The following CEP57L1 variants were observed in gnomAD, a reference collection of about 807,000 sequenced individuals.
CEP57L1 encodes the protein centrosomal protein CEP57L1.
CEP57L1 carries 37 observed loss-of-function variants against 61.0 expected under a neutral mutation model. The ratio of observed to expected loss-of-function variants is 0.61; its 90% CI spans 0.47 to 0.80. The LOEUF (loss-of-function observed/expected upper bound fraction) is 0.80. Ranked by LOEUF, CEP57L1 falls within the 30% of genes least tolerant of loss-of-function variation. The pLI, the probability that CEP57L1 is intolerant of heterozygous loss-of-function variation, is 0.00. For synonymous variants in CEP57L1, 137 were observed against 162.3 expected (o/e 0.84, Z 1.19); for missense variants, 422 against 524.7 (o/e 0.80, Z 1.91).
chr6:109,101,599 C>T (rs1782407122), intron 1 of CEP57L1, among the ~76,000 whole-genome samples: 1 of 151,510 alleles, frequency 6.6e-6, no homozygotes, highest in South Asian at 2.1e-4. Flanking sequence ...AAGAAACTCA[C>T]AGCTGTTTTT....
intron 1 of CEP57L1, among the ~76,000 whole-genome samples, chr6:109,114,813 T>C (rs1583420822): frequency 6.6e-6 from 1 of 152,274 alleles, no homozygotes; most frequent in East Asian, 1.9e-4. Flanking sequence ...GTGACTATAG[T>C]TATTATATTT....
intron 1 of CEP57L1, among the ~76,000 whole-genome samples, chr6:109,136,487 C>T (rs974068526): frequency 9.2e-5 from 14 of 151,638 alleles, no homozygotes; most frequent in African/African-American, 2.9e-4. Context: ...ATGGGTGCAG[C>T]CCACGAACAT....
chr6:109,111,215 G>T (rs2114630031), intron 1 of CEP57L1, among the ~76,000 whole-genome samples: 1 of 152,274 alleles, frequency 6.6e-6, no homozygotes, highest in East Asian at 1.9e-4. Flanking sequence ...GCAGTGGTTT[G>T]TAGTTCTCCT....
chr6:109,111,006 C>A (rs930787610), intron 1 of CEP57L1, among the ~76,000 whole-genome samples: 1 of 152,090 alleles, frequency 6.6e-6, no homozygotes, highest in African/African-American at 2.4e-5. Context: ...CTTGGCTATG[C>A]GGGCTCTTTT....
At chr6:109,145,086 A>G (rs192616095) in intron 1 of CEP57L1, 133 bp from the exon 2 acceptor site, 13 of 512,848 alleles carry the variant, frequency 2.5e-5, no homozygotes, top group Non-Finnish European at 3.7e-5. Context: ...AGTTGAATTT[A>G]TAATTAAGTT....
At chr6:109,121,012 T>C (rs1772912335) in intron 1 of CEP57L1, among the ~76,000 whole-genome samples, 1 of 149,880 alleles carries the variant, frequency 6.7e-6, no homozygotes, top group Admixed American at 6.7e-5. Context: ...TTTTCCTGAG[T>C]GAAAGAGGTG....
chr6:109,107,399 A>G (rs1771072698), intron 1 of CEP57L1, among the ~76,000 whole-genome samples: 1 of 152,110 alleles, frequency 6.6e-6, no homozygotes. Context: ...AGAACTTTTT[A>G]TATTTTCCTT....
At chr6:109,123,672 G>A (rs1053318347) in intron 1 of CEP57L1, among the ~76,000 whole-genome samples, 2 of 151,996 alleles carry the variant, frequency 1.3e-5, no homozygotes, top group Non-Finnish European at 1.5e-5. Flanking sequence ...TCCCTGTCAC[G>A]AGTTTTCCTT....
intron 1 of CEP57L1, among the ~76,000 whole-genome samples, chr6:109,129,679 C>G (rs1773965835): frequency 6.6e-6 from 1 of 152,162 alleles, no homozygotes; most frequent in Admixed American, 6.5e-5. Flanking sequence ...ACATTTCTTA[C>G]TTGGGTTAGG....
In CEP57L1 at chr6:109,107,769, T is replaced by C. The variant is rs146563634; in HGVS notation, c.-4+12194T>C. The stretch of plus-strand genomic sequence containing the variant: ...CAGCTTGGCCAACATGGTGAAACCC[T>C]GTCTCTAATAAAAATCCCAAAATTA... On this transcript the variant is annotated intron_variant, in intron 1 of 10. Coordinates refer to ENST00000517392, the MANE Select transcript of CEP57L1 (RefSeq NM_001271852.3). 8.3e-3 allele frequency among the ~76,000 whole-genome samples: 1,264 copies of C among 151,958 alleles called. 24 individuals carry two copies. Among genetic ancestry groups the C allele is most frequent in the African/African-American group, 0.029 (1,214 of 41,460 alleles).
At position 109,159,096 on chromosome 6, in the gene CEP57L1, T is replaced by A; in HGVS notation, c.816T>A (p.Ala272=). 6.2e-7 allele frequency: 1 copy of A among 1,614,080 alleles called. No individual in the cohort carries two copies. The highest frequency in any genetic ancestry group is 8.5e-7 in the Non-Finnish European group (1 of 1,179,948). Residue 272 remains alanine, a synonymous_variant, in exon 8 of 11, where the codon GCT becomes GCA. Transcript: ENST00000517392. Reference sequence around the variant, plus strand: ...AGTTTGGAGCACTGCCTTTTGTGGCTGAAAAGGTGAGAGGGGATAAAATGA... The same window carrying A: ...AGTTTGGAGCACTGCCTTTTGTGGCAGAAAAGGTGAGAGGGGATAAAATGA... ...CSKFGALPFV[A]EKMRQHRDPH...
chr6:109,109,368 A>G (rs1771308198), intron 1 of CEP57L1, among the ~76,000 whole-genome samples: 1 of 152,182 alleles, frequency 6.6e-6, no homozygotes, highest in South Asian at 2.1e-4. Context: ...ATTTTGTTTT[A>G]CCAATTTCCT....
rs190190001 is a variant in CEP57L1 at position 109,153,969 on chromosome 6, A to G, written c.579+20A>G. The G allele has an allele frequency of 2.4e-4, 297 of 1,229,246 alleles. No homozygotes were observed. Among genetic ancestry groups the G allele is most frequent in the Non-Finnish European group, 3.3e-4 (275 of 840,064 alleles). 76.1% of individuals were successfully genotyped at this position (1,229,246 alleles called of 1,614,324 possible). On this transcript the variant is annotated intron_variant, in intron 5 of 10. Coordinates refer to ENST00000517392, the MANE Select transcript of CEP57L1 (RefSeq NM_001271852.3). ...GCTGAGGTAAGCTTTCTTTGAAGTG[A>G]TGACAACAGGAATGAATCTTTAGTG... is the stretch of plus-strand genomic sequence containing the variant.
chr6:109,116,562 A>T (rs544883042), intron 1 of CEP57L1, among the ~76,000 whole-genome samples: 1 of 152,186 alleles, frequency 6.6e-6, no homozygotes, highest in Non-Finnish European at 1.5e-5. Context: ...GTACAGTTTC[A>T]ATCTTTTTCT....
chr6:109,141,019 A>G (rs1349106282), intron 1 of CEP57L1, among the ~76,000 whole-genome samples: 2 of 150,972 alleles, frequency 1.3e-5, no homozygotes, highest in African/African-American at 4.9e-5. Context: ...TTTAGTAGAG[A>G]TGAGGTTTCA....
chr6:109,153,045 A>C (rs922289354), intron 4 of CEP57L1, among the ~76,000 whole-genome samples: 5 of 151,536 alleles, frequency 3.3e-5, no homozygotes, highest in Non-Finnish European at 7.4e-5. Flanking sequence ...CAGGAGACAA[A>C]GGTTGCAGTG....
At position 109,168,417 on chromosome 6, in the gene CEP57L1, A is replaced by G. The variant is rs1716684253; in HGVS notation, c.*5447A>G. Among the ~76,000 whole-genome samples, 1 of 152,212 alleles carries G rather than the reference A, an allele frequency of 6.6e-6. No individual in the cohort carries two copies. The highest frequency in any genetic ancestry group is 2.1e-4 in the South Asian group (1 of 4,834). On this transcript the variant is annotated 3_prime_UTR_variant, in exon 11 of 11. Coordinates refer to ENST00000517392, the MANE Select transcript of CEP57L1 (RefSeq NM_001271852.3). Reference sequence around the variant, plus strand: ...AAAGGTTATATTCTAGAGGCCAAGTATTGACTTGCACAGAATTGTGTAAAT... The same window carrying G: ...AAAGGTTATATTCTAGAGGCCAAGTGTTGACTTGCACAGAATTGTGTAAAT...
intron 1 of CEP57L1, among the ~76,000 whole-genome samples, chr6:109,112,946 A>C (rs1404674303): frequency 6.6e-6 from 1 of 152,080 alleles, no homozygotes; most frequent in African/African-American, 2.4e-5. Flanking sequence ...GGTCAATTTT[A>C]GAATAAGTGT....
intron 9 of CEP57L1, 128 bp from the exon 10 acceptor site, chr6:109,160,444 G>A (rs1773614600): frequency 3.1e-6 from 2 of 653,688 alleles, no homozygotes; most frequent in South Asian, 2.0e-5. Context: ...TAAAGAAAGA[G>A]GCTGTTTTTA....
Sources: allele counts gnomAD v4.1 joint callset (sites outside exome capture counted in the v4.1 genomes callset), GRCh38; gene constraint gnomAD v4.1.1; transcripts MANE v1.5; gene names NCBI Gene and HGNC (gene_info 2026-07-23, HGNC 2026-07-21).